C11orf16: variants seen among roughly 807,000 people sequenced by gnomAD.
The protein encoded by C11orf16 is uncharacterized protein C11orf16.
A neutral mutation model predicts 45.1 loss-of-function variants in C11orf16; 38 were observed. The observed-to-expected ratio is 0.84, with a 90% CI of 0.65 to 1.10. C11orf16 has a LOEUF of 1.10. Among genes scored for constraint, C11orf16 ranks in the 50% least tolerant of loss-of-function variants. The pLI is 0.00. For synonymous variants in C11orf16, 221 were observed against 222.0 expected, an observed-to-expected ratio of 1.00 and a Z score of 0.04; for missense variants, 583 against 569.5, an observed-to-expected ratio of 1.02 and a Z score of -0.24.
At chr11:8,921,908 T>A (rs1209717353) in intron 5 of C11orf16, among the ~76,000 whole-genome samples, 1 of 152,218 alleles carries the variant, frequency 6.6e-6, no homozygotes, top group East Asian at 1.9e-4. Flanking sequence ...CCCAAAGTGT[T>A]GCAGTTACAG....
At chr11:8,924,009 TAC>T (rs1445527434) in intron 5 of C11orf16, among the ~76,000 whole-genome samples, 2 of 152,042 alleles carry the variant, frequency 1.3e-5, no homozygotes, top group Non-Finnish European at 2.9e-5. Context: ...ATGTTTTCAA[TAC>T]AAAGTTTCCT....
intron 3 of C11orf16, among the ~76,000 whole-genome samples, chr11:8,927,899 T>C (rs567211781): frequency 9.2e-5 from 14 of 152,338 alleles, no homozygotes; most frequent in African/African-American, 3.1e-4. Context: ...TATTAGTTAC[T>C]TGAAAATTGA....
At chr11:8,926,132 T>C in intron 4 of C11orf16, 25 bp from the exon 5 acceptor site, 1 of 1,527,832 alleles carries the variant, frequency 6.5e-7, no homozygotes, top group Non-Finnish European at 8.8e-7. Flanking sequence ...ATGGCAACAT[T>C]TTGTTATAAT....
intron 3 of C11orf16, 109 bp downstream of exon 3, chr11:8,929,268 G>C: frequency 2.6e-6 from 3 of 1,168,922 alleles, no homozygotes; most frequent in Non-Finnish European, 3.6e-6. Context: ...TGGGAGAGCT[G>C]TGCTTATGCA....
chr11:8,931,614 T>A (rs2064650908), intron 2 of C11orf16, among the ~76,000 whole-genome samples: 1 of 152,168 alleles, frequency 6.6e-6, no homozygotes, highest in East Asian at 1.9e-4. Context: ...GGTCTCGAAC[T>A]CCTGACCTTG....
chr11:8,927,732 G>T (rs942320977), intron 3 of C11orf16: 1 of 452,424 alleles, frequency 2.2e-6, no homozygotes, highest in African/African-American at 2.0e-5. Context: ...TAGCAAAAGT[G>T]AGAGAACAGT....
At chr11:8,927,750 C>T in intron 3 of C11orf16, 2 of 431,008 alleles carry the variant, frequency 4.6e-6, no homozygotes, top group South Asian at 3.2e-5. Context: ...AGTGCTGCAG[C>T]TACTTAAAAG....
chr11:8,926,232 G>A (rs1483497804), intron 4 of C11orf16, 125 bp from the exon 5 acceptor site: 7 of 937,236 alleles, frequency 7.5e-6, no homozygotes, highest in African/African-American at 3.8e-5. Context: ...AGGCTGGAGT[G>A]CAGTGGCACA....
chr11:8,925,608 C>T lies in C11orf16; in HGVS notation c.1059G>A (p.Met353Ile). 1 of 1,614,262 alleles carries T rather than the reference C, an allele frequency of 6.2e-7. No homozygotes were observed. The highest frequency in any genetic ancestry group is 8.5e-7 in the Non-Finnish European group (1 of 1,180,052). Residue 353 changes from methionine to isoleucine, a missense_variant, in exon 5 of 7, where the codon ATG becomes ATA. Coordinates refer to ENST00000326053, the MANE Select transcript of C11orf16 (RefSeq NM_020643.3). ...EQDGVENDLE[M>I]GPPQRLMVNS... is the part of the protein sequence containing the mutation. ...TCACCATCAGTCTCTGGGGAGGGCC[C>T]ATCTCCAGATCATTCTCCACACCGT...
Position 8,926,126 on chromosome 11 carries a change from C to T in C11orf16, c.560-19G>A, listed in dbSNP as rs1231704430. The stretch of plus-strand genomic sequence containing the variant: ...TTTGATGCTACATAACAAAAAATGG[C>T]AACATTTTGTTATAATTACCAATTA... On this transcript the variant is annotated intron_variant, in intron 4 of 6. Transcript: ENST00000326053. 3.9e-6 allele frequency: 6 copies of T among 1,530,038 alleles called. No individual in the cohort carries two copies. The highest frequency in any genetic ancestry group is 5.3e-6 in the Non-Finnish European group (6 of 1,137,538). The allele number at this position is 1,530,038 out of a possible 1,614,324, so 94.8% of individuals were successfully genotyped here. A position where few individuals can be genotyped will look rare whatever the true frequency, so the allele number is the denominator to read the frequency against.
chr11:8,921,195 G>A lies in C11orf16; in HGVS notation c.*22+99C>T. 3.4e-6 allele frequency: 3 copies of A among 885,752 alleles called. No individual in the cohort carries two copies. The South Asian group carries it at 4.9e-5, about 14-fold the overall frequency. 54.9% of individuals were successfully genotyped at this position (885,752 alleles called of 1,614,324 possible). ...TATGTGCATTTTTCTAGGACAAGGG[G>A]TCATAGGTTTTACTGTTCTCAAAGG... is the stretch of plus-strand genomic sequence containing the variant. On this transcript the variant is annotated intron_variant, in intron 6 of 6. Coordinates refer to ENST00000326053, the MANE Select transcript of C11orf16 (RefSeq NM_020643.3).
At chr11:8,932,422 G>A in intron 1 of C11orf16, 96 bp from the exon 2 acceptor site, 1 of 1,034,246 alleles carries the variant, frequency 9.7e-7, no homozygotes, top group Non-Finnish European at 1.3e-6. Flanking sequence ...AGCTGCCTCT[G>A]GGGACAGTTG....
Position 8,925,786 on chromosome 11 carries a change from G to C in C11orf16, c.881C>G (p.Pro294Arg), listed in dbSNP as rs1313800502. ...GCPPCGTTWW[P>R]LTRTSEVMAR... ...CATGACTTCTGAGGTCCTGGTTAGA[G>C]GCCACCAAGTCGTGCCACATGGCGG... The change falls in exon 5 of 7, where the codon CCT becomes CGT. Residue 294 changes from proline (P) to arginine (R), a missense_variant. By Grantham distance (103) the Pro-to-Arg change is moderately radical. Coordinates refer to ENST00000326053, the MANE Select transcript of C11orf16 (RefSeq NM_020643.3). 1 of 1,614,136 alleles carries C rather than the reference G, an allele frequency of 6.2e-7. No homozygotes were observed.
Position 8,921,297 on chromosome 11 carries a change from G to C in C11orf16, c.*19C>G, listed in dbSNP as rs755461702. 3 of 1,613,406 alleles carry C rather than the reference G, an allele frequency of 1.9e-6. No homozygotes were observed. Among genetic ancestry groups the C allele is most frequent in the Admixed American group, 3.3e-5 (2 of 60,006 alleles). ...CTTTCCAGCCATTCTGCTTTACCTA[G>C]ATCCTCAGGGCTCTTAGTCTAACGG... On this transcript the variant is annotated 3_prime_UTR_variant, in exon 6 of 7. Coordinates refer to ENST00000326053, the MANE Select transcript of C11orf16 (RefSeq NM_020643.3).
chr11:8,926,970 A>G lies in C11orf16; in HGVS notation c.529T>C (p.Leu177=), dbSNP rs768556775. Residue 177 remains leucine, a synonymous_variant, in exon 4 of 7, where the codon TTG becomes CTG. Transcript: ENST00000326053. The part of the protein sequence containing the change: ...QQQYGPGTVL[L]GLEMRDPQRA... ...TGGGGATCTCTCATCTCCAAGCCCAAAAGAACAGTGCCAGGGCCATACTGC... is the reference window on the plus strand; with the variant it reads ...TGGGGATCTCTCATCTCCAAGCCCAGAAGAACAGTGCCAGGGCCATACTGC... 13 of 1,613,840 alleles carry G rather than the reference A, an allele frequency of 8.1e-6. No homozygotes were observed. Among genetic ancestry groups the G allele is most frequent in the Admixed American group, 3.3e-5 (2 of 59,992 alleles).
intron 5 of C11orf16, among the ~76,000 whole-genome samples, chr11:8,924,860 A>T (rs1157846563): frequency 1.3e-5 from 2 of 152,222 alleles, no homozygotes; most frequent in Non-Finnish European, 2.9e-5. Flanking sequence ...CGAACCTAGC[A>T]GGGCCCGCCA....
In C11orf16 at chr11:8,920,191, C is replaced by T. The variant is rs934358398; in HGVS notation, c.*282G>A. The T allele has an allele frequency of 7.9e-6, 3 of 379,206 alleles. No individual in the cohort carries two copies. The highest frequency in any genetic ancestry group is 6.2e-5 in the African/African-American group (3 of 48,240). The allele number at this position is 379,206 out of a possible 1,614,324, so 23.5% of individuals were successfully genotyped here. On this transcript the variant is annotated 3_prime_UTR_variant, in exon 7 of 7. Transcript: ENST00000326053. ...ACATTTGCCCAAAGCAGGCTGACCC[C>T]CTCTTCCACGGAAGAGGCATCTTAA...
At chr11:8,929,964 C>CA (rs1183176053) in intron 2 of C11orf16, among the ~76,000 whole-genome samples, 2 of 151,412 alleles carry the variant, frequency 1.3e-5, no homozygotes, top group Non-Finnish European at 2.9e-5. Context: ...ACCAAAAATA[C>CA]AAAAAATTAG....
In C11orf16 at chr11:8,921,396, G is replaced by A. The variant is rs753138149; in HGVS notation, c.1324C>T (p.Arg442Trp). Residue 442 changes from arginine to tryptophan, a missense_variant, in exon 6 of 7, where the codon CGG becomes TGG. Transcript: ENST00000326053. ...VSKATHMKPP[R>W]TPPGEAEHRK... Reference sequence around the variant, plus strand: ...TGTTCAGCTTCCCCTGGCGGGGTCCGCGGTGGCTTCATGTGGGTTGCTTTC... The same window carrying A: ...TGTTCAGCTTCCCCTGGCGGGGTCCACGGTGGCTTCATGTGGGTTGCTTTC... 10 of 1,614,080 alleles carry A rather than the reference G, an allele frequency of 6.2e-6. No individual in the cohort carries two copies. Among genetic ancestry groups the A allele is most frequent in the East Asian group, 2.2e-5 (1 of 44,892 alleles).
Sources: gnomAD v4.1 joint callset for allele counts (sites outside exome capture counted in the v4.1 genomes callset) on GRCh38, gnomAD v4.1.1 for gene constraint, MANE v1.5 for transcripts, NCBI Gene and HGNC (gene_info 2026-07-23, HGNC 2026-07-21) for gene names.